EPHA6: variants seen among roughly 807,000 people sequenced by gnomAD.
The protein encoded by EPHA6 is EPH receptor A6.
In EPHA6, 50 loss-of-function variants were observed where a neutral mutation model predicts 112.0. That is an observed-to-expected ratio of 0.45 (90% CI 0.36 to 0.56). The LOEUF is 0.56. EPHA6 is among the 20% of genes least tolerant of loss of function. The pLI is 0.00. For synonymous variants in EPHA6, 529 were observed against 490.7 expected, an observed-to-expected ratio of 1.08 and a Z score of -1.03; for missense variants, 1,280 against 1,417.4, an observed-to-expected ratio of 0.90 and a Z score of 1.56.
At chr3:97,373,584 T>A (rs951997481) in intron 5 of EPHA6, among the ~76,000 whole-genome samples, 30 of 152,274 alleles carry the variant, frequency 2.0e-4, no homozygotes, top group African/African-American at 6.5e-4. Context: ...GCTTGTTATT[T>A]GAATTCATCA....
chr3:97,751,434 G>A lies in EPHA6; in HGVS notation c.*2733G>A, dbSNP rs555977729. Among the ~76,000 whole-genome samples the A allele has an allele frequency of 5.3e-5, 8 of 151,988 alleles. No individual in the cohort carries two copies. The highest frequency in any genetic ancestry group is 8.8e-5 in the Non-Finnish European group (6 of 67,968). On this transcript the variant is annotated 3_prime_UTR_variant, in exon 18 of 18. Transcript: ENST00000389672. ...TTTTATTTTTCAGAATGGTAAGCATGATAATCTTAAATGTAACTTTGAACT... is the reference window on the plus strand; with the variant it reads ...TTTTATTTTTCAGAATGGTAAGCATAATAATCTTAAATGTAACTTTGAACT...
At chr3:97,621,978 A>G (rs933612149) in intron 13 of EPHA6, among the ~76,000 whole-genome samples, 1 of 151,892 alleles carries the variant, frequency 6.6e-6, no homozygotes, top group South Asian at 2.1e-4. Flanking sequence ...AAGGCAAGCA[A>G]TAAATCAAAT....
At chr3:97,208,705 C>T (rs954397748) in intron 3 of EPHA6, among the ~76,000 whole-genome samples, 1 of 151,834 alleles carries the variant, frequency 6.6e-6, no homozygotes, top group African/African-American at 2.4e-5. Context: ...CAAGATCACA[C>T]CACTGTACTC....
chr3:97,217,071 A>G (rs1576701433), intron 3 of EPHA6, among the ~76,000 whole-genome samples: 1 of 152,328 alleles, frequency 6.6e-6, no homozygotes, highest in East Asian at 1.9e-4. Flanking sequence ...AATTTCCCCA[A>G]CTTACTATTT....
intron 13 of EPHA6, among the ~76,000 whole-genome samples, chr3:97,628,947 T>TGTTC (rs1403451170): frequency 6.6e-6 from 1 of 151,958 alleles, no homozygotes; most frequent in African/African-American, 2.4e-5. Context: ...TTTGTTTGTT[T>TGTTC]ATTTATTTAT....
chr3:96,882,889 G>A (rs900550891), intron 2 of EPHA6, among the ~76,000 whole-genome samples: 8 of 152,130 alleles, frequency 5.3e-5, no homozygotes, highest in Non-Finnish European at 8.8e-5. Flanking sequence ...CTATAAACAT[G>A]CGTGTGCGAG....
chr3:96,958,213 C>T (rs2041832217), intron 2 of EPHA6, among the ~76,000 whole-genome samples: 1 of 151,824 alleles, frequency 6.6e-6, no homozygotes, highest in Non-Finnish European at 1.5e-5. Flanking sequence ...TCACTTGAAC[C>T]CGGGAGGCGG....
chr3:97,565,050 T>G (rs1214813276), intron 11 of EPHA6, among the ~76,000 whole-genome samples: 8 of 152,268 alleles, frequency 5.3e-5, no homozygotes, highest in African/African-American at 1.9e-4. Context: ...GAAAATTTTT[T>G]ACAGGGAAGT....
intron 4 of EPHA6, among the ~76,000 whole-genome samples, chr3:97,239,195 C>T (rs2108571613): frequency 6.6e-6 from 1 of 152,008 alleles, no homozygotes; most frequent in East Asian, 1.9e-4. Flanking sequence ...ACTTAAGTTT[C>T]AGTTGCTCTT....
intron 11 of EPHA6, among the ~76,000 whole-genome samples, chr3:97,572,029 A>G (rs1560149887): frequency 6.6e-6 from 1 of 152,120 alleles, no homozygotes; most frequent in Admixed American, 6.5e-5. Flanking sequence ...TTCTATGTAT[A>G]TAATGCAAGC....
intron 14 of EPHA6, among the ~76,000 whole-genome samples, chr3:97,698,743 T>A (rs1396171597): frequency 6.6e-6 from 1 of 152,250 alleles, no homozygotes; most frequent in Non-Finnish European, 1.5e-5. Flanking sequence ...ACAATTTTCC[T>A]GCTCTTTCTG....
chr3:97,322,861 G>A (rs920806783), intron 5 of EPHA6, among the ~76,000 whole-genome samples: 14 of 151,878 alleles, frequency 9.2e-5, no homozygotes. Context: ...TCCTCCTAAC[G>A]AGAGCTGACC....
chr3:97,169,284 G>A (rs1160049204), intron 3 of EPHA6, among the ~76,000 whole-genome samples: 1 of 152,158 alleles, frequency 6.6e-6, no homozygotes, highest in Non-Finnish European at 1.5e-5. Context: ...CACATGTGCT[G>A]AGGCTAGATG....
At chr3:97,195,296 A>G (rs990740453) in intron 3 of EPHA6, among the ~76,000 whole-genome samples, 3 of 152,090 alleles carry the variant, frequency 2.0e-5, no homozygotes, top group African/African-American at 7.2e-5. Flanking sequence ...TGCAAATAGC[A>G]TAACTCATTA....
chr3:97,022,896 C>A (rs1478613699), intron 3 of EPHA6, among the ~76,000 whole-genome samples: 1 of 152,136 alleles, frequency 6.6e-6, no homozygotes, highest in East Asian at 1.9e-4. Flanking sequence ...TATTAGCAGG[C>A]CAGCTTGAGC....
At chr3:97,599,535 A>G (rs1484839422) in intron 12 of EPHA6, among the ~76,000 whole-genome samples, 1 of 149,590 alleles carries the variant, frequency 6.7e-6, no homozygotes, top group African/African-American at 2.5e-5. Context: ...TCCTTTCCCC[A>G]TTTCTTGTTT....
At chr3:97,041,197 G>A (rs1020953488) in intron 3 of EPHA6, among the ~76,000 whole-genome samples, 1 of 152,048 alleles carries the variant, frequency 6.6e-6, no homozygotes, top group Non-Finnish European at 1.5e-5. Context: ...CAGTCTTCCT[G>A]TGCATTCTCA....
At chr3:97,653,929 A>C (rs1361748006) in intron 14 of EPHA6, among the ~76,000 whole-genome samples, 1 of 151,972 alleles carries the variant, frequency 6.6e-6, no homozygotes, top group Non-Finnish European at 1.5e-5. Context: ...TACATGTAGA[A>C]TCTAAAATAG....
chr3:97,735,695 G>A (rs956118364), intron 15 of EPHA6, among the ~76,000 whole-genome samples: 1 of 151,858 alleles, frequency 6.6e-6, no homozygotes, highest in South Asian at 2.1e-4. Flanking sequence ...CTCTATACTG[G>A]TAGCACATGT....
Sources: allele counts gnomAD v4.1 joint callset (sites outside exome capture counted in the v4.1 genomes callset), GRCh38; gene constraint gnomAD v4.1.1; transcripts MANE v1.5; gene names NCBI Gene and HGNC (gene_info 2026-07-23, HGNC 2026-07-21).